ERC2: variants seen among roughly 807,000 people sequenced by gnomAD.
ERC2 encodes the protein ELKS/RAB6-interacting/CAST family member 2.
Under a neutral mutation model 114.8 loss-of-function variants are expected in ERC2, and 42 were observed. The observed-to-expected ratio is 0.37, with a 90% CI of 0.29 to 0.47. The LOEUF (loss-of-function observed/expected upper bound fraction) is 0.47. Among genes scored for constraint, ERC2 ranks in the 20% least tolerant of loss-of-function variants. The pLI is 0.99. For missense variants in ERC2, 939 were observed against 1,150.7 expected (o/e 0.82, Z 2.66); for synonymous variants, 454 against 425.5 (o/e 1.07, Z -0.82).
intron 4 of ERC2, among the ~76,000 whole-genome samples, chr3:56,168,810 G>A (rs930449427): frequency 2.0e-5 from 3 of 152,188 alleles, no homozygotes; most frequent in Non-Finnish European, 2.9e-5. Context: ...CAAAGACAAA[G>A]TGAAGTCTTA....
At chr3:55,878,350 G>A (rs939119455) in intron 14 of ERC2, among the ~76,000 whole-genome samples, 34 of 152,032 alleles carry the variant, frequency 2.2e-4, no homozygotes, top group African/African-American at 7.7e-4. Flanking sequence ...TTTAAGATAA[G>A]GAAGCCAACT....
intron 17 of ERC2, among the ~76,000 whole-genome samples, chr3:55,675,660 C>A (rs892930881): frequency 6.6e-6 from 1 of 152,054 alleles, no homozygotes; most frequent in Admixed American, 6.6e-5. Context: ...TGGATGGCTC[C>A]CCAAAGAGGC....
intron 2 of ERC2, among the ~76,000 whole-genome samples, chr3:56,395,376 T>C (rs1007892307): frequency 1.3e-5 from 2 of 152,164 alleles, no homozygotes; most frequent in Non-Finnish European, 2.9e-5. Context: ...TCTCCAATCT[T>C]AAATACTTTA....
At chr3:56,399,552 A>G (rs2060442860) in intron 2 of ERC2, among the ~76,000 whole-genome samples, 1 of 152,202 alleles carries the variant, frequency 6.6e-6, no homozygotes, top group Non-Finnish European at 1.5e-5. Context: ...ACCTTCCCAT[A>G]TCCCTTCTTC....
chr3:56,167,448 G>T (rs6810099), intron 4 of ERC2, among the ~76,000 whole-genome samples: 12,740 of 152,010 alleles, frequency 0.084, 742 homozygotes, highest in Admixed American at 0.15. Context: ...GAAGAGTTTG[G>T]GGGGAAAGGG....
chr3:56,040,611 A>AATATATAGATGTTTATGTATATATAC (rs2075105137), intron 7 of ERC2, among the ~76,000 whole-genome samples: 1 of 33,108 alleles, frequency 3.0e-5, no homozygotes, highest in Non-Finnish European at 4.8e-5. Context: ...ATGTATATAT[A>AATATATAGATGTTTATGTATATATAC]ATATATAGAT....
chr3:55,605,503 T>C lies in ERC2; in HGVS notation c.*39+78291A>G, dbSNP rs562380429. Among the ~76,000 whole-genome samples the C allele has an allele frequency of 9.5e-4, 144 of 152,336 alleles. 1 individual carries two copies. Among genetic ancestry groups the C allele is most frequent in the African/African-American group, 3.3e-3 (137 of 41,574 alleles). On this transcript the variant is annotated intron_variant, in intron 17 of 17. Transcript: ENST00000288221. ...AAGAATTATTCTTTTCAATCTATAA[T>C]GTGATGATAACAAAAGGACTAATCA...
At chr3:56,078,729 A>T (rs1168248360) in intron 7 of ERC2, among the ~76,000 whole-genome samples, 1 of 152,114 alleles carries the variant, frequency 6.6e-6, no homozygotes, top group Non-Finnish European at 1.5e-5. Flanking sequence ...TTATCCATTC[A>T]TTCAACAAAT....
chr3:55,816,110 A>T (rs766990653), intron 14 of ERC2, among the ~76,000 whole-genome samples: 5 of 152,236 alleles, frequency 3.3e-5, no homozygotes, highest in African/African-American at 4.8e-5. Flanking sequence ...AAGCAATCTG[A>T]TAACATAATT....
rs1038726680 is a variant in ERC2, at chr3:55,694,740, G to A, written c.2847+4638C>T. 2.6e-5 allele frequency among the ~76,000 whole-genome samples: 4 copies of A among 152,306 alleles called. No homozygotes were observed. The South Asian group carries it at 8.3e-4, about 32-fold the overall frequency. On this transcript the variant is annotated intron_variant, in intron 16 of 17. Coordinates refer to ENST00000288221, the MANE Select transcript of ERC2 (RefSeq NM_015576.3). ...GCCCTTCCCAACTAGAATCAGAGCG[G>A]CAAGTGCTTTAACACATAGAAGTAC...
intron 13 of ERC2, among the ~76,000 whole-genome samples, chr3:55,890,330 C>A (rs1223127862): frequency 6.6e-6 from 1 of 152,116 alleles, no homozygotes; most frequent in Non-Finnish European, 1.5e-5. Context: ...AGATAGTCTG[C>A]CTGACCCTCC....
chr3:55,713,129 T>TACACA (rs1553638926), intron 15 of ERC2, among the ~76,000 whole-genome samples: 109 of 74,726 alleles, frequency 1.5e-3, no homozygotes, highest in African/African-American at 4.5e-3. Context: ...TCTCTCTCTG[T>TACACA]CTCACACACA....
At chr3:56,055,551 C>T (rs988413722) in intron 7 of ERC2, among the ~76,000 whole-genome samples, 2 of 152,132 alleles carry the variant, frequency 1.3e-5, no homozygotes, top group African/African-American at 4.8e-5. Flanking sequence ...GGAAATTTTA[C>T]TTAAAAGACG....
chr3:55,722,293 C>G (rs1187222023), intron 15 of ERC2, among the ~76,000 whole-genome samples: 2 of 152,040 alleles, frequency 1.3e-5, no homozygotes. Context: ...GGCTCCCCCA[C>G]CTTGTCAACT....
chr3:55,555,512 G>T (rs1445992298), intron 17 of ERC2, among the ~76,000 whole-genome samples: 24 of 152,168 alleles, frequency 1.6e-4, no homozygotes. Flanking sequence ...TAGGGGGAGG[G>T]TCACAGACGT....
At chr3:56,440,955 A>G (rs1352510510) in intron 1 of ERC2, among the ~76,000 whole-genome samples, 1 of 152,166 alleles carries the variant, frequency 6.6e-6, no homozygotes. Flanking sequence ...CTGTAGTTCC[A>G]TTAGTTCCAT....
At chr3:56,192,403 A>G (rs936559357) in intron 3 of ERC2, among the ~76,000 whole-genome samples, 1 of 152,232 alleles carries the variant, frequency 6.6e-6, no homozygotes, top group Admixed American at 6.5e-5. Context: ...CTCCTGGAAA[A>G]TAATGTACAT....
chr3:56,373,309 TTG>T (rs1198854428), intron 2 of ERC2, among the ~76,000 whole-genome samples: 1 of 152,174 alleles, frequency 6.6e-6, no homozygotes, highest in Non-Finnish European at 1.5e-5. Context: ...ACACTACCAT[TTG>T]TGTGTTATTT....
chr3:56,399,250 C>A (rs2106931959), intron 2 of ERC2, among the ~76,000 whole-genome samples: 1 of 152,338 alleles, frequency 6.6e-6, no homozygotes, highest in South Asian at 2.1e-4. Context: ...AGCCTGCGTA[C>A]TTCTATTCAA....
Sources: gnomAD v4.1 joint callset for allele counts (sites outside exome capture counted in the v4.1 genomes callset) on GRCh38, gnomAD v4.1.1 for gene constraint, MANE v1.5 for transcripts, NCBI Gene and HGNC (gene_info 2026-07-23, HGNC 2026-07-21) for gene names.